The following NDST4 variants were observed in gnomAD, a reference collection of about 807,000 sequenced individuals.
NDST4 encodes N-deacetylase and N-sulfotransferase 4, also known as N-heparan sulfate sulfotransferase 4.
NDST4 carries 63 observed loss-of-function variants against 100.8 expected under a neutral mutation model. The ratio of observed to expected loss-of-function variants is 0.62; its 90% confidence interval spans 0.51 to 0.77. NDST4 has a LOEUF of 0.77. Among genes scored for constraint, NDST4 ranks in the 30% least tolerant of loss-of-function variants. NDST4 has a pLI of 0.00. For synonymous variants in NDST4, 377 were observed against 361.8 expected, an observed-to-expected ratio of 1.04 and a Z score of -0.48; for missense variants, 943 against 1,018.4, an observed-to-expected ratio of 0.93 and a Z score of 1.01.
chr4:115,087,632 A>C (rs1729434741), intron 1 of NDST4, among the ~76,000 whole-genome samples: 1 of 151,742 alleles, frequency 6.6e-6, no homozygotes, highest in Admixed American at 6.6e-5. Context: ...GCGATTTCCT[A>C]TCTTGATTTT....
At chr4:115,019,021 T>C (rs1727750224) in intron 2 of NDST4, among the ~76,000 whole-genome samples, 1 of 151,986 alleles carries the variant, frequency 6.6e-6, no homozygotes, top group South Asian at 2.1e-4. Context: ...CATTATCAAA[T>C]CATCTATATT....
intron 1 of NDST4, among the ~76,000 whole-genome samples, chr4:115,079,768 T>A (rs1385845350): frequency 6.6e-6 from 1 of 152,188 alleles, no homozygotes; most frequent in Non-Finnish European, 1.5e-5. Context: ...TAATGATGAC[T>A]GAAAACTTTT....
intron 4 of NDST4, among the ~76,000 whole-genome samples, chr4:114,940,584 G>A (rs1399135896): frequency 2.6e-5 from 4 of 152,290 alleles, no homozygotes; most frequent in Middle Eastern, 3.4e-3. Flanking sequence ...TCTGGGCACC[G>A]GCAGGAGTAG....
intron 6 of NDST4, among the ~76,000 whole-genome samples, chr4:114,899,957 A>G (rs1035186612): frequency 6.6e-6 from 1 of 152,120 alleles, no homozygotes; most frequent in Non-Finnish European, 1.5e-5. Context: ...CAGTGAACCC[A>G]CTTGGCCTAG....
At chr4:114,846,051 T>C in intron 9 of NDST4, 54 bp from the exon 10 acceptor site, 2 of 1,331,586 alleles carry the variant, frequency 1.5e-6, no homozygotes, top group African/African-American at 1.5e-5. Context: ...TCTTGCCATA[T>C]TCTGAATGTG....
chr4:114,986,827 TATATA>T lies in NDST4; in HGVS notation c.979-9558_979-9554del, dbSNP rs1560845466. Among the ~76,000 whole-genome samples, 63 of 128,496 alleles carry T rather than the reference TATATA, an allele frequency of 4.9e-4. 3 individuals carry two copies. In the East Asian group the frequency reaches 6.0e-3, roughly 12 times the overall value. The allele number at this position is 128,496 out of a possible 152,430, so 84.3% of individuals were successfully genotyped here. ...ATATATATATATATATATATATATATATATATTTTAATATACTATTCCTATAAGCT... is the reference window on the plus strand; with the variant it reads ...ATATATATATATATATATATATATATTTTTAATATACTATTCCTATAAGCT... On this transcript the variant is annotated intron_variant, in intron 2 of 13. Transcript: ENST00000264363.
intron 6 of NDST4, among the ~76,000 whole-genome samples, chr4:114,909,465 C>G (rs994085502): frequency 6.7e-6 from 1 of 149,626 alleles, no homozygotes; most frequent in Non-Finnish European, 1.5e-5. Flanking sequence ...TCGAGACCAT[C>G]CTGGCTAACA....
chr4:115,020,035 T>A lies in NDST4; in HGVS notation c.979-42761A>T, dbSNP rs574156400. The stretch of plus-strand genomic sequence containing the variant: ...GATTATTGCCATAACAGCCTGAAAA[T>A]GTAGATGCGCTGTTGGAATTGGGTA... On this transcript the variant is annotated intron_variant, in intron 2 of 13. Transcript: ENST00000264363. 1.8e-4 allele frequency among the ~76,000 whole-genome samples: 27 copies of A among 152,038 alleles called. No individual in the cohort carries two copies. The South Asian group carries it at 5.0e-3, about 28-fold the overall frequency.
At chr4:115,093,269 A>T in intron 1 of NDST4, among the ~76,000 whole-genome samples, 1 of 152,010 alleles carries the variant, frequency 6.6e-6, no homozygotes, top group Non-Finnish European at 1.5e-5. Context: ...AGGTCAGGAG[A>T]TCGAGACTAT....
At chr4:115,056,513 C>A (rs765819032) in intron 2 of NDST4, among the ~76,000 whole-genome samples, 3 of 152,040 alleles carry the variant, frequency 2.0e-5, no homozygotes, top group Non-Finnish European at 2.9e-5. Context: ...AACCAGGGAA[C>A]AACTGAAATG....
intron 6 of NDST4, among the ~76,000 whole-genome samples, chr4:114,911,383 A>G (rs1725058795): frequency 6.6e-6 from 1 of 152,208 alleles, no homozygotes; most frequent in Admixed American, 6.5e-5. Context: ...ATGCCTCATT[A>G]CTTAGCTGTC....
At chr4:114,962,892 A>G (rs1035019497) in intron 4 of NDST4, among the ~76,000 whole-genome samples, 1 of 152,124 alleles carries the variant, frequency 6.6e-6, no homozygotes, top group African/African-American at 2.4e-5. Flanking sequence ...GCCCACTAGA[A>G]TGACTATAAT....
At chr4:114,857,831 A>C (rs1723830595) in intron 7 of NDST4, among the ~76,000 whole-genome samples, 2 of 152,184 alleles carry the variant, frequency 1.3e-5, no homozygotes, top group African/African-American at 4.8e-5. Context: ...ACAAGCTAGG[A>C]AAATTAAGAT....
Position 115,050,405 on chromosome 4 carries a change from T to TAC in NDST4, c.978+25652_978+25653dup, listed in dbSNP as rs36055187. 1.0e-2 allele frequency among the ~76,000 whole-genome samples: 1,493 copies of TAC among 149,528 alleles called. 21 individuals carry two copies. Among genetic ancestry groups the TAC allele is most frequent in the African/African-American group, 0.03 (1,235 of 40,990 alleles). On this transcript the variant is annotated intron_variant, in intron 2 of 13. Transcript: ENST00000264363. ...AAGTACTGCTTTGAAAATGAAGCATTACACACACACACACACACACCATGA... is the reference window on the plus strand; with the variant it reads ...AAGTACTGCTTTGAAAATGAAGCATTACACACACACACACACACACACCATGA...
intron 6 of NDST4, among the ~76,000 whole-genome samples, chr4:114,894,470 T>A (rs987392726): frequency 1.3e-5 from 2 of 152,124 alleles, no homozygotes; most frequent in African/African-American, 4.8e-5. Context: ...TTGTTAGCTG[T>A]ATTCCTAGGT....
chr4:114,986,405 G>A (rs899440487), intron 2 of NDST4, among the ~76,000 whole-genome samples: 2 of 152,128 alleles, frequency 1.3e-5, no homozygotes, highest in Middle Eastern at 3.4e-3. Context: ...CCTTTCCACA[G>A]AACTATAAGC....
intron 2 of NDST4, among the ~76,000 whole-genome samples, chr4:115,005,962 G>T (rs1187702786): frequency 6.7e-6 from 1 of 149,620 alleles, no homozygotes; most frequent in African/African-American, 2.5e-5. Flanking sequence ...AACTCGGGAG[G>T]CAGAGCTTGC....
At chr4:115,019,966 T>C (rs984784702) in intron 2 of NDST4, among the ~76,000 whole-genome samples, 14 of 152,082 alleles carry the variant, frequency 9.2e-5, no homozygotes, top group Non-Finnish European at 1.3e-4. Flanking sequence ...TATTGTGTTG[T>C]AGCAACACAA....
chr4:115,060,379 T>C (rs1221639805), intron 2 of NDST4, among the ~76,000 whole-genome samples: 5 of 151,948 alleles, frequency 3.3e-5, no homozygotes. Context: ...GAAAAATGCA[T>C]TTTCATTTTG....
Sources: gnomAD v4.1 joint callset for allele counts (sites outside exome capture counted in the v4.1 genomes callset) on GRCh38, gnomAD v4.1.1 for gene constraint, MANE v1.5 for transcripts, NCBI Gene and HGNC (gene_info 2026-07-23, HGNC 2026-07-21) for gene names.